Variants in SATB2 observed in about 807,000 individuals in gnomAD.
SATB2 encodes SATB homeobox 2.
Under a neutral mutation model 73.4 loss-of-function variants are expected in SATB2, and 1 was observed. The ratio of observed to expected loss-of-function variants is 0.01; its 90% confidence interval spans 0.00 to 0.06. The LOEUF is 0.06. Among genes scored for constraint, SATB2 ranks in the 10% least tolerant of loss-of-function variants. The pLI is 1.00. For missense variants in SATB2, 459 were observed against 945.8 expected (o/e 0.49, Z 6.75); for synonymous variants, 397 against 367.0 (o/e 1.08, Z -0.93).
At chr2:199,385,879 A>T (rs1156826193) in intron 3 of SATB2, among the ~76,000 whole-genome samples, 1 of 152,072 alleles carries the variant, frequency 6.6e-6, no homozygotes, top group Non-Finnish European at 1.5e-5. Context: ...CTTTGGGCAA[A>T]TTGTTTAGTC....
intron 7 of SATB2, among the ~76,000 whole-genome samples, chr2:199,345,429 C>A (rs1453959835): frequency 3.7e-5 from 5 of 135,732 alleles, no homozygotes; most frequent in Non-Finnish European, 6.3e-5. Flanking sequence ...CCCCTCCCCC[C>A]ACAAACTCAT....
At chr2:199,333,111 C>T (rs1221202379) in intron 7 of SATB2, among the ~76,000 whole-genome samples, 1 of 151,892 alleles carries the variant, frequency 6.6e-6, no homozygotes, top group Non-Finnish European at 1.5e-5. Context: ...TCCATTATCT[C>T]CCATTGATTA....
chr2:199,448,871 C>CT (rs1450465532), intron 2 of SATB2, among the ~76,000 whole-genome samples: 1 of 152,078 alleles, frequency 6.6e-6, no homozygotes, highest in Non-Finnish European at 1.5e-5. Flanking sequence ...AATGATACGG[C>CT]TACTAGGTAA....
At chr2:199,275,304 CTT>C (rs911566067) in intron 10 of SATB2, among the ~76,000 whole-genome samples, 1 of 152,148 alleles carries the variant, frequency 6.6e-6, no homozygotes, top group African/African-American at 2.4e-5. Context: ...CTTCACTCCC[CTT>C]TGTTTCCTAG....
At chr2:199,387,779 C>T (rs1285901759) in intron 3 of SATB2, among the ~76,000 whole-genome samples, 2 of 152,100 alleles carry the variant, frequency 1.3e-5, no homozygotes, top group Non-Finnish European at 2.9e-5. Flanking sequence ...TAACAAAATG[C>T]AATTGTAGGT....
intron 6 of SATB2, among the ~76,000 whole-genome samples, chr2:199,366,424 A>C (rs190741735): frequency 6.6e-6 from 1 of 152,258 alleles, no homozygotes. Flanking sequence ...TGCCTGCTTC[A>C]GTCCAACACT....
intron 3 of SATB2, among the ~76,000 whole-genome samples, chr2:199,386,702 GCGCGCGCGCGCGCGCACACACACACA>G (rs1349360748): frequency 5.9e-5 from 1 of 17,086 alleles, no homozygotes; most frequent in Non-Finnish European, 8.9e-5. Context: ...GCAAGCGCGC[GCGCGCGCGCGCGCGCACACACACACA>G]CACACACACA....
Position 199,272,540 on chromosome 2 carries a change from C to T in SATB2, c.1873G>A (p.Ala625Thr). 1 of 1,614,176 alleles carries T rather than the reference C, an allele frequency of 6.2e-7. No homozygotes were observed. The highest frequency in any genetic ancestry group is 8.5e-7 in the Non-Finnish European group (1 of 1,180,034). ...PRSRTKISLE[A>T]LGILQSFIHD... ...ATAAAGCTTTGGAGGATCCCCAGGG[C>T]TTCTAAGGAGATCTTTGTGCGAGAC... The change falls in exon 11 of 11, where the codon GCC becomes ACC. Residue 625 changes from alanine to threonine, a missense_variant. Around this residue, in one of 13 missense-constraint regions of SATB2, gnomAD observed 74 missense variants for 136.1 expected, o/e 0.54. Coordinates refer to ENST00000417098, the MANE Select transcript of SATB2 (RefSeq NM_001172509.2). The surrounding 1 kb of genome is among the most constrained non-coding windows in gnomAD (Gnocchi z 6.7).
At chr2:199,439,162 CACAG>C (rs1691736490) in intron 2 of SATB2, among the ~76,000 whole-genome samples, 1 of 152,258 alleles carries the variant, frequency 6.6e-6, no homozygotes, top group South Asian at 2.1e-4. Context: ...TTCCGTTATT[CACAG>C]ACAAAGAAAG....
At chr2:199,366,254 G>T (rs1689279594) in intron 6 of SATB2, among the ~76,000 whole-genome samples, 1 of 152,112 alleles carries the variant, frequency 6.6e-6, no homozygotes, top group African/African-American at 2.4e-5. Context: ...ACTACTACTG[G>T]TTTCCAAATT....
chr2:199,426,276 TTTC>T (rs763908658), intron 3 of SATB2, among the ~76,000 whole-genome samples: 21 of 152,086 alleles, frequency 1.4e-4, no homozygotes, highest in Admixed American at 2.6e-4. Flanking sequence ...TTTTAAAAGC[TTTC>T]TTCTTTTTTA....
At chr2:199,370,554 T>C (rs932735110) in intron 5 of SATB2, among the ~76,000 whole-genome samples, 8 of 152,120 alleles carry the variant, frequency 5.3e-5, no homozygotes, top group Admixed American at 5.2e-4. Context: ...CCAAATGGTC[T>C]AGAAAGTTAA....
At chr2:199,290,056 G>A (rs928944612) in intron 10 of SATB2, among the ~76,000 whole-genome samples, 3 of 152,180 alleles carry the variant, frequency 2.0e-5, no homozygotes, top group Non-Finnish European at 4.4e-5. Context: ...ACTGCAGCCT[G>A]AGCCCCTGCT....
chr2:199,277,883 T>TAAGGTGCAGAGTTTGC (rs1692364898), intron 10 of SATB2, among the ~76,000 whole-genome samples: 1 of 152,158 alleles, frequency 6.6e-6, no homozygotes, highest in Non-Finnish European at 1.5e-5. Context: ...ATAATTTGTT[T>TAAGGTGCAGAGTTTGC]AAGGTGCAGA....
At chr2:199,407,857 AAAAT>A (rs1004802512) in intron 3 of SATB2, among the ~76,000 whole-genome samples, 2 of 152,192 alleles carry the variant, frequency 1.3e-5, no homozygotes, top group Non-Finnish European at 1.5e-5. Context: ...TCTGATGGTA[AAAAT>A]AAATAAATAA....
chr2:199,415,860 G>C (rs751054917), intron 3 of SATB2, among the ~76,000 whole-genome samples: 3 of 152,124 alleles, frequency 2.0e-5, no homozygotes, highest in African/African-American at 7.2e-5. Flanking sequence ...AGACTTCTGC[G>C]AGTATCCTCC....
exon 1 of SATB2, chr2:199,471,211 T>C (rs545623296): frequency 6.6e-6 from 1 of 152,452 alleles, no homozygotes; most frequent in Non-Finnish European, 1.5e-5. Context: ...GTTCCAAGGA[T>C]GGTCGTTTAC....
chr2:199,386,973 C>T (rs998380938), intron 3 of SATB2, among the ~76,000 whole-genome samples: 24 of 152,124 alleles, frequency 1.6e-4, no homozygotes, highest in Non-Finnish European at 2.5e-4. Flanking sequence ...CTCTATAACA[C>T]GGTACAATAA....
intron 7 of SATB2, among the ~76,000 whole-genome samples, chr2:199,329,520 C>A (rs934702323): frequency 6.6e-6 from 1 of 151,272 alleles, no homozygotes; most frequent in South Asian, 2.1e-4. Context: ...GTTATCCTTA[C>A]ATATGTACAA....
Sources: gnomAD v4.1 joint callset for allele counts (sites outside exome capture counted in the v4.1 genomes callset) on GRCh38, gnomAD v4.1.1 for gene constraint, gnomAD v4.1.1 regional missense constraint, Gnocchi (gnomAD v3.1) non-coding constraint, MANE v1.5 for transcripts, NCBI Gene and HGNC (gene_info 2026-07-23, HGNC 2026-07-21) for gene names.